Variants in IQSEC1 observed in about 807,000 individuals in gnomAD.
IQSEC1 encodes IQ motif and SEC7 domain-containing protein 1.
In IQSEC1, 31 loss-of-function variants were observed where a neutral mutation model predicts 91.0. The observed-to-expected ratio is 0.34, with a 90% CI of 0.26 to 0.46. IQSEC1 has a LOEUF of 0.46. Ranked by LOEUF, IQSEC1 falls within the 20% of genes least tolerant of loss-of-function variation. IQSEC1 has a pLI of 1.00. For missense variants in IQSEC1, 1,388 were observed against 1,575.6 expected (o/e 0.88, Z 2.02); for synonymous variants, 699 against 662.6 (o/e 1.05, Z -0.84).
At chr3:13,097,187 C>T (rs360753) in intron 2 of IQSEC1, among the ~76,000 whole-genome samples, 5,627 of 152,278 alleles carry the variant, frequency 0.037, 144 homozygotes, top group Non-Finnish European at 0.053. Flanking sequence ...GGCATCCCTT[C>T]GCCTCTGCAA....
intron 1 of IQSEC1, among the ~76,000 whole-genome samples, chr3:13,027,883 TTA>T (rs1703682989): frequency 6.6e-6 from 1 of 152,240 alleles, no homozygotes; most frequent in Non-Finnish European, 1.5e-5. Context: ...CTCTTGATTT[TTA>T]TATGTTTGCA....
chr3:12,925,922 G>A (rs1374343467), intron 3 of IQSEC1, among the ~76,000 whole-genome samples: 1 of 152,232 alleles, frequency 6.6e-6, no homozygotes. Flanking sequence ...TGTGAGCCCT[G>A]GCAGGCCCCT....
intron 1 of IQSEC1, among the ~76,000 whole-genome samples, chr3:13,064,758 C>T (rs1705177989): frequency 6.6e-6 from 1 of 152,220 alleles, no homozygotes; most frequent in South Asian, 2.1e-4. Flanking sequence ...GAGGACCAGA[C>T]TCGGATAGTT....
At chr3:13,242,968 C>T (rs548001918) in intron 1 of IQSEC1, among the ~76,000 whole-genome samples, 3 of 152,056 alleles carry the variant, frequency 2.0e-5, no homozygotes, top group Admixed American at 6.5e-5. Flanking sequence ...CTCTTTAAAT[C>T]CCAGTAGTGA....
rs994980836 is a variant in IQSEC1 at position 12,902,807 on chromosome 3, C to T, written c.2771G>A (p.Arg924His). The T allele has an allele frequency of 3.7e-6, 6 of 1,613,220 alleles. No homozygotes were observed. Among genetic ancestry groups the T allele is most frequent in the Admixed American group, 3.3e-5 (2 of 60,000 alleles). Reference sequence around the variant, plus strand: ...GCTCTCTAGCGATCCCGCACTGCTGCGACGCCCTCGCTTCCCTGCCCAGAA... The same window carrying T: ...GCTCTCTAGCGATCCCGCACTGCTGTGACGCCCTCGCTTCCCTGCCCAGAA... ...DLSEAGKRGR[R>H]SSAGSLESNV... The change falls in exon 13 of 14, where the codon CGC becomes CAC. Residue 924 changes from arginine to histidine, a missense_variant. By Grantham distance (29) the Arg-to-His change is conservative. This residue lies in a region of IQSEC1 where 1,059 missense variants were observed against 1,317.8 expected (regional missense o/e 0.80). Coordinates refer to ENST00000613206, the MANE Select transcript of IQSEC1 (RefSeq NM_001134382.3).
chr3:12,966,037 G>T lies in IQSEC1; in HGVS notation c.24-24172C>A, dbSNP rs954570007. ...GCTCTCCTGCAATATGAGGATGCTG[G>T]TACCACAAGGGTAAGAAGCAATTGT... On this transcript the variant is annotated intron_variant, in intron 1 of 13. Transcript: ENST00000613206. Among the ~76,000 whole-genome samples, 11 of 152,346 alleles carry T rather than the reference G, an allele frequency of 7.2e-5. 1 individual carries two copies. Among genetic ancestry groups the T allele is most frequent in the Admixed American group, 5.9e-4 (9 of 15,314 alleles).
intron 2 of IQSEC1, among the ~76,000 whole-genome samples, chr3:13,137,366 G>C (rs888050212): frequency 6.6e-6 from 1 of 152,158 alleles, no homozygotes; most frequent in Non-Finnish European, 1.5e-5. Flanking sequence ...ATAAACTATG[G>C]CTGCACACAA....
rs776153463 is a variant in IQSEC1, at chr3:13,100,106, C to T, written c.303-52584G>A. Among the ~76,000 whole-genome samples, 6 of 147,710 alleles carry T rather than the reference C, an allele frequency of 4.1e-5. 1 individual carries two copies. The highest frequency in any genetic ancestry group is 7.5e-5 in the Non-Finnish European group (5 of 66,936). Reference sequence around the variant, plus strand: ...ATTTGTGCTGAGAACAGTGGCGTGGCGAGGGCTGCGGGAGCCATGAGAGCA... The same window carrying T: ...ATTTGTGCTGAGAACAGTGGCGTGGTGAGGGCTGCGGGAGCCATGAGAGCA... On this transcript the variant is annotated intron_variant, in intron 2 of 15. Coordinates refer to the IQSEC1 transcript ENST00000648114.
At chr3:13,275,664 G>A (rs1276830819) in intron 1 of IQSEC1, among the ~76,000 whole-genome samples, 1 of 152,240 alleles carries the variant, frequency 6.6e-6, no homozygotes, top group Non-Finnish European at 1.5e-5. Flanking sequence ...TTCGTGCTCT[G>A]GGGCTGCACA....
At chr3:13,017,013 T>G (rs1284462941) in intron 1 of IQSEC1, among the ~76,000 whole-genome samples, 4 of 152,248 alleles carry the variant, frequency 2.6e-5, no homozygotes, top group Non-Finnish European at 5.9e-5. Flanking sequence ...TCACTTAGCA[T>G]GATGTCCTCA....
intron 1 of IQSEC1, among the ~76,000 whole-genome samples, chr3:13,166,450 G>T (rs1213967723): frequency 6.6e-6 from 1 of 152,216 alleles, no homozygotes; most frequent in African/African-American, 2.4e-5. Flanking sequence ...GACGCCAGGG[G>T]ACAAGCACTG....
Position 12,945,917 on chromosome 3 carries a change from G to A in IQSEC1, c.24-4052C>T, listed in dbSNP as rs188939483. Among the ~76,000 whole-genome samples the A allele has an allele frequency of 2.7e-3, 408 of 152,286 alleles. 4 individuals carry two copies. The highest frequency in any genetic ancestry group is 9.4e-3 in the African/African-American group (390 of 41,546). On this transcript the variant is annotated intron_variant, in intron 1 of 13. Coordinates refer to ENST00000613206, the MANE Select transcript of IQSEC1 (RefSeq NM_001134382.3). The stretch of plus-strand genomic sequence containing the variant: ...GTTATCGAACTTAAATGATGTGGAC[G>A]CTTGACTATTTTCTGGCTGAACTCG...
chr3:13,272,618 T>C (rs1277090674), intron 1 of IQSEC1, among the ~76,000 whole-genome samples: 1 of 152,116 alleles, frequency 6.6e-6, no homozygotes, highest in Non-Finnish European at 1.5e-5. Flanking sequence ...CGCACACCCC[T>C]TTTAGGTGGC....
At chr3:12,907,930 G>C (rs891255731) in intron 12 of IQSEC1, among the ~76,000 whole-genome samples, 4 of 152,150 alleles carry the variant, frequency 2.6e-5, no homozygotes, top group African/African-American at 9.7e-5. Flanking sequence ...GTGGGCAAGG[G>C]GGCGCCAGAC....
intron 1 of IQSEC1, among the ~76,000 whole-genome samples, chr3:13,178,929 C>A (rs1208519903): frequency 6.6e-6 from 1 of 152,192 alleles, no homozygotes; most frequent in Non-Finnish European, 1.5e-5. Flanking sequence ...CACCTTCGGT[C>A]ATCCCAAAAA....
At chr3:13,076,267 TG>T (rs1705559828), upstream of IQSEC1, among the ~76,000 whole-genome samples, 1 of 152,160 alleles carries the variant, frequency 6.6e-6, no homozygotes, top group African/African-American at 2.4e-5. Flanking sequence ...TTTCATCCCC[TG>T]GAGTTTCTGT....
intron 1 of IQSEC1, among the ~76,000 whole-genome samples, chr3:13,053,558 G>A (rs1396703563): frequency 6.6e-6 from 1 of 152,204 alleles, no homozygotes; most frequent in African/African-American, 2.4e-5. Flanking sequence ...CAGGGACCAC[G>A]GGGAGAAGGG....
intron 1 of IQSEC1, among the ~76,000 whole-genome samples, chr3:13,228,574 T>C (rs1332442521): frequency 6.6e-6 from 1 of 152,274 alleles, no homozygotes; most frequent in Non-Finnish European, 1.5e-5. Context: ...TTATTTTAGC[T>C]TGCAAAGGTC....
Position 12,967,410 on chromosome 3 carries a change from A to G in IQSEC1, c.24-25545T>C. The G allele has an allele frequency of 3.3e-6, 5 of 1,535,696 alleles. No homozygotes were observed. The highest frequency in any genetic ancestry group is 2.6e-6 in the Non-Finnish European group (3 of 1,144,760). ...ACCCGCTGTCAAGCTCTAGCTCCAG[A>G]AGGGACTGGGTCCTCTCCGAGTTGC... is the stretch of plus-strand genomic sequence containing the variant. On this transcript the variant is annotated intron_variant, in intron 1 of 13. Coordinates refer to ENST00000613206, the MANE Select transcript of IQSEC1 (RefSeq NM_001134382.3). This position sits in a 1 kb window ranked among gnomAD's most constrained non-coding sequence, Gnocchi z 5.9.
Sources: gnomAD v4.1 joint callset for allele counts (sites outside exome capture counted in the v4.1 genomes callset) on GRCh38, gnomAD v4.1.1 for gene constraint, gnomAD v4.1.1 regional missense constraint, Gnocchi (gnomAD v3.1) non-coding constraint, MANE v1.5 for transcripts, NCBI Gene and HGNC (gene_info 2026-07-23, HGNC 2026-07-21) for gene names.